ADGRF3: variants seen among roughly 807,000 people sequenced by gnomAD.
ADGRF3 encodes the protein G protein-coupled receptor 113.
ADGRF3 carries 85 observed loss-of-function variants against 93.2 expected under a neutral mutation model. The ratio of observed to expected loss-of-function variants is 0.91; its 90% CI spans 0.77 to 1.09. The LOEUF (loss-of-function observed/expected upper bound fraction) is 1.09, where lower values mean the gene tolerates loss of function less well. Ranked by LOEUF, ADGRF3 falls within the 50% of genes least tolerant of loss-of-function variation. The pLI is 0.00. For missense variants in ADGRF3, 1,125 were observed against 1,246.2 expected (o/e 0.90, Z 1.46); for synonymous variants, 534 against 532.5 (o/e 1.00, Z -0.04).
intron 13 of ADGRF3, 148 bp downstream of exon 13, chr2:26,309,378 T>C (rs1273925924): frequency 1.3e-6 from 2 of 1,497,546 alleles, no homozygotes; most frequent in African/African-American, 1.4e-5. Context: ...TAGCAATGGC[T>C]ACCCTAGAAA....
chr2:26,331,533 A>G (rs1041792291), intron 1 of ADGRF3, among the ~76,000 whole-genome samples: 15 of 152,192 alleles, frequency 9.9e-5, no homozygotes, highest in African/African-American at 3.6e-4. Context: ...TGGGTGAAAG[A>G]GCAAAACTTC....
At chr2:26,332,744 AAT>A (rs1013372625) in intron 1 of ADGRF3, among the ~76,000 whole-genome samples, 1 of 151,690 alleles carries the variant, frequency 6.6e-6, no homozygotes, top group Non-Finnish European at 1.5e-5. Context: ...TGTCTCAAAA[AAT>A]ATATATACAA....
intron 12 of ADGRF3, 97 bp downstream of exon 12, chr2:26,309,946 A>C: frequency 6.2e-7 from 1 of 1,612,800 alleles, no homozygotes; most frequent in South Asian, 1.1e-5. Context: ...ATCTTCTCTC[A>C]GCTTCTGGCT....
chr2:26,309,174 G>A lies in ADGRF3; in HGVS notation c.2994-67C>T, dbSNP rs144900597. On this transcript the variant is annotated intron_variant, in intron 13 of 13. Coordinates refer to ENST00000651242, the MANE Select transcript of ADGRF3 (RefSeq NM_001321971.2). ...ACTTCTGCAGGCTGCCCTCCCCTCT[G>A]GATACCAAGCCCACCCATGGCAATC... 181 of 1,613,942 alleles carry A rather than the reference G, an allele frequency of 1.1e-4. No homozygotes were observed. The East Asian group carries it at 3.7e-3, about 33-fold the overall frequency.
At position 26,315,678 on chromosome 2, in the gene ADGRF3, G is replaced by C; in HGVS notation, c.562C>G (p.Leu188Val). The C allele has an allele frequency of 6.4e-7, 1 of 1,551,598 alleles. No individual in the cohort carries two copies. Among genetic ancestry groups the C allele is most frequent in the South Asian group, 1.2e-5 (1 of 84,050 alleles). ...TTGGTGGCCTCCTGGCTCAGATGGA[G>C]AGTCAGGCTCAGCGTGTCACCAGGC... ...QMPGDTLSLT[L>V]HLSQEATNLS... Residue 188 changes from leucine to valine, a missense_variant, in exon 5 of 14, where the codon CTC becomes GTC. Physicochemically the swap from Leu to Val is conservative, Grantham distance 32. Transcript: ENST00000651242.
rs1558379725 is a variant in ADGRF3, at chr2:26,311,635, C to G, written c.1889G>C (p.Ser630Thr). 1 of 1,613,536 alleles carries G rather than the reference C, an allele frequency of 6.2e-7. No individual in the cohort carries two copies. The highest frequency in any genetic ancestry group is 8.5e-7 in the Non-Finnish European group (1 of 1,179,900). The change falls in exon 10 of 14, where the codon AGC (serine) becomes ACC (threonine). Residue 630 changes from serine (S) to threonine (T), a missense_variant. Coordinates refer to ENST00000651242, the MANE Select transcript of ADGRF3 (RefSeq NM_001321971.2). ...ISIMAGDRAF[S>T]QGEVIMDFGN... Reference sequence around the variant, plus strand: ...AAAGTCCATGATGACCTCTCCCTGGCTGAAGGCCCGGTCACCTGCCATGAT... The same window carrying G: ...AAAGTCCATGATGACCTCTCCCTGGGTGAAGGCCCGGTCACCTGCCATGAT...
intron 1 of ADGRF3, among the ~76,000 whole-genome samples, chr2:26,328,613 G>A (rs1410804353): frequency 6.6e-6 from 1 of 151,844 alleles, no homozygotes; most frequent in Non-Finnish European, 1.5e-5. Flanking sequence ...GCCCACACCC[G>A]GCTAATTTTG....
chr2:26,332,531 G>A (rs1354419625), intron 1 of ADGRF3, among the ~76,000 whole-genome samples: 1 of 152,178 alleles, frequency 6.6e-6, no homozygotes, highest in Non-Finnish European at 1.5e-5. Context: ...CATAAGCTCA[G>A]AAGTTTGAGA....
At chr2:26,343,066 A>G (rs1270443068) in intron 1 of ADGRF3, among the ~76,000 whole-genome samples, 2 of 152,212 alleles carry the variant, frequency 1.3e-5, no homozygotes, top group Non-Finnish European at 2.9e-5. Flanking sequence ...GATGACTGGC[A>G]GCGCGGTAGG....
rs1272275534 is a variant in ADGRF3, at chr2:26,316,387, G to A, written c.387C>T (p.Asn129=). The A allele has an allele frequency of 6.4e-7, 1 of 1,551,704 alleles. No individual in the cohort carries two copies. The highest frequency in any genetic ancestry group is 1.4e-5 in the African/African-American group (1 of 73,056). The change falls in exon 4 of 14, where the codon AAC becomes AAT. Residue 129 remains asparagine, a synonymous_variant. Coordinates refer to ENST00000651242, the MANE Select transcript of ADGRF3 (RefSeq NM_001321971.2). ...GAGGGTAATGGAGGCAGATGCTGGT[G>A]TTCCACTGGTAGCCAGAGAGGCAAG... ...YCACLSGYQW[N]TSICLHYPPC...
intron 1 of ADGRF3, among the ~76,000 whole-genome samples, chr2:26,330,521 C>T (rs1675704789): frequency 6.6e-6 from 1 of 152,200 alleles, no homozygotes; most frequent in South Asian, 2.1e-4. Flanking sequence ...TTGCCTTGCC[C>T]TCTTGGCACC....
At chr2:26,345,787 C>CT (rs1300643353) in intron 1 of ADGRF3, 1 of 357,214 alleles carries the variant, frequency 2.8e-6, no homozygotes, top group East Asian at 6.3e-5. Context: ...GATCACCACG[C>CT]AAGTGCGGAT....
At chr2:26,321,892 G>C (rs938939761) in intron 1 of ADGRF3, among the ~76,000 whole-genome samples, 1 of 150,822 alleles carries the variant, frequency 6.6e-6, no homozygotes, top group Admixed American at 6.6e-5. Context: ...GGAATTGCTT[G>C]AACCAGGGAG....
At chr2:26,341,078 G>A (rs1450394801) in intron 1 of ADGRF3, among the ~76,000 whole-genome samples, 1 of 152,054 alleles carries the variant, frequency 6.6e-6, no homozygotes, top group African/African-American at 2.4e-5. Flanking sequence ...CACAAAAATG[G>A]CCATAAAACC....
rs560934386 is a variant in ADGRF3 at position 26,311,196 on chromosome 2, G to A, written c.2328C>T (p.Ala776=). 41 of 1,600,674 alleles carry A rather than the reference G, an allele frequency of 2.6e-5. No individual in the cohort carries two copies. The highest frequency in any genetic ancestry group is 1.2e-4 in the South Asian group (11 of 89,302). ...PGPRSPLCLA[A]AFLCHFLYLA... is the part of the protein sequence containing the mutation. ...GGTAGAGGAAATGACAGAGGAAGGC[G>A]GCAGCAAGGCAGAGCGGGCTTCGGG... Residue 776 remains alanine, a synonymous_variant, in exon 10 of 14, where the codon GCC becomes GCT. Transcript: ENST00000651242.
intron 1 of ADGRF3, among the ~76,000 whole-genome samples, chr2:26,339,300 A>G (rs773712676): frequency 7.9e-5 from 12 of 152,064 alleles, no homozygotes; most frequent in African/African-American, 1.2e-4. Flanking sequence ...GTTCGAGACC[A>G]GCTTGGTCAA....
rs1673752766 is a variant in ADGRF3 at position 26,308,627 on chromosome 2, C to T, written c.*459G>A. ...CAAACCAAATTCTGCCCTTCATCTC[C>T]AATGTTTGAAAGATCAGAGGTTCCT... On this transcript the variant is annotated 3_prime_UTR_variant, in exon 14 of 14. Transcript: ENST00000651242. 1 of 154,696 alleles carries T rather than the reference C, an allele frequency of 6.5e-6. No individual in the cohort carries two copies. Among genetic ancestry groups the T allele is most frequent in the South Asian group, 2.0e-4 (1 of 4,926 alleles). The allele number at this position is 154,696 out of a possible 1,614,324, so 9.6% of individuals were successfully genotyped here.
chr2:26,319,135 G>A, intron 1 of ADGRF3: 5 of 1,384,102 alleles, frequency 3.6e-6, no homozygotes, highest in Non-Finnish European at 4.9e-6. Context: ...GGGATGGGAG[G>A]GAAGAGGGGA....
intron 1 of ADGRF3, among the ~76,000 whole-genome samples, chr2:26,335,302 T>G (rs1446936984): frequency 6.6e-6 from 1 of 152,228 alleles, no homozygotes; most frequent in Non-Finnish European, 1.5e-5. Flanking sequence ...ATATGGCCAT[T>G]TGTGTCTGGC....
Sources: gnomAD v4.1 joint callset for allele counts (sites outside exome capture counted in the v4.1 genomes callset) on GRCh38, gnomAD v4.1.1 for gene constraint, MANE v1.5 for transcripts, NCBI Gene and HGNC (gene_info 2026-07-23, HGNC 2026-07-21) for gene names.